The following CUL2 variants were observed in gnomAD, a reference collection of about 807,000 sequenced individuals.
The protein encoded by CUL2 is cullin 2.
In CUL2, 22 loss-of-function variants were observed where a neutral mutation model predicts 110.2. The ratio of observed to expected loss-of-function variants is 0.20; its 90% confidence interval spans 0.14 to 0.28. The LOEUF (loss-of-function observed/expected upper bound fraction) is 0.28, where lower values mean the gene tolerates loss of function less well. Ranked by LOEUF, CUL2 falls within the 10% of genes least tolerant of loss-of-function variation. The probability of loss-of-function intolerance (pLI) is 1.00; values close to 1 mark genes in which losing one functional copy is unlikely to be tolerated. For missense variants in CUL2, 631 were observed against 905.5 expected, an observed-to-expected ratio of 0.70 and a Z score of 3.89; for synonymous variants, 279 against 293.2, an observed-to-expected ratio of 0.95 and a Z score of 0.49.
At chr10:35,039,779 C>T (rs771435956) in intron 8 of CUL2, among the ~76,000 whole-genome samples, 31 of 152,120 alleles carry the variant, frequency 2.0e-4, no homozygotes, top group Non-Finnish European at 2.6e-4. Context: ...CACTTCATCC[C>T]GGGAGGTGGG....
chr10:35,028,750 T>C, intron 16 of CUL2, 60 bp downstream of exon 16: 3 of 1,106,138 alleles, frequency 2.7e-6, no homozygotes, highest in East Asian at 2.5e-5. Flanking sequence ...AAAGGTGATA[T>C]AATATGAAGA....
At chr10:35,082,946 T>C (rs2086977028) in intron 1 of CUL2, among the ~76,000 whole-genome samples, 1 of 151,838 alleles carries the variant, frequency 6.6e-6, no homozygotes, top group Non-Finnish European at 1.5e-5. Context: ...TCACTTGAGG[T>C]CAGGAGTTTG....
At chr10:35,036,946 G>A (rs1159986653) in intron 9 of CUL2, among the ~76,000 whole-genome samples, 1 of 152,104 alleles carries the variant, frequency 6.6e-6, no homozygotes, top group Non-Finnish European at 1.5e-5. Flanking sequence ...TGTTGCCCAG[G>A]CTGGTCTTGT....
intron 16 of CUL2, among the ~76,000 whole-genome samples, chr10:35,027,305 C>T (rs1006471539): frequency 6.6e-6 from 1 of 151,902 alleles, no homozygotes; most frequent in Non-Finnish European, 1.5e-5. Flanking sequence ...CCACCATGCC[C>T]GGCTAATTTT....
At chr10:35,021,796 T>C (rs1239585810) in intron 17 of CUL2, among the ~76,000 whole-genome samples, 1 of 130,110 alleles carries the variant, frequency 7.7e-6, no homozygotes, top group Non-Finnish European at 1.6e-5. Flanking sequence ...TTACGTGAGG[T>C]GGGGTGAGGA....
At chr10:35,038,822 G>T in intron 9 of CUL2, 98 bp downstream of exon 9, 2 of 661,470 alleles carry the variant, frequency 3.0e-6, no homozygotes, top group Non-Finnish European at 4.8e-6. Flanking sequence ...ATATTTTAAA[G>T]ACTATTACTA....
At chr10:35,057,809 A>AT (rs2086279365) in intron 4 of CUL2, among the ~76,000 whole-genome samples, 1 of 128,116 alleles carries the variant, frequency 7.8e-6, no homozygotes, top group African/African-American at 3.1e-5. Context: ...TAATAAAGAC[A>AT]TGGGCTGGAC....
rs1308741069 is a variant in CUL2, at chr10:35,008,901, TTG to T, written c.*1408_*1409del. The T allele has an allele frequency of 2.0e-5, 3 of 151,948 alleles. No individual in the cohort carries two copies. The highest frequency in any genetic ancestry group is 4.4e-5 in the Non-Finnish European group (3 of 68,006). The allele number at this position is 151,948 out of a possible 1,614,324, so 9.4% of individuals were successfully genotyped here. ...ACTGAAGTATTATAAGTGAAATAAT[TTG>T]TGTGATTTGCTTTAAAATATTCCGA... is the stretch of plus-strand genomic sequence containing the variant. On this transcript the variant is annotated 3_prime_UTR_variant, in exon 21 of 21. Transcript: ENST00000374749.
intron 1 of CUL2, among the ~76,000 whole-genome samples, chr10:35,077,817 CAA>C (rs200796040): frequency 5.6e-5 from 6 of 107,116 alleles, no homozygotes; most frequent in South Asian, 5.7e-4. Flanking sequence ...AACTCCGTCT[CAA>C]AAAAAAAAAA....
chr10:35,101,680 G>GT (rs2087379881), intron 1 of CUL2, among the ~76,000 whole-genome samples: 1 of 152,158 alleles, frequency 6.6e-6, no homozygotes, highest in South Asian at 2.1e-4. Context: ...ATCAACTCTT[G>GT]TAACTCTTCA....
At chr10:35,010,716 T>C (rs1800754113) in intron 20 of CUL2, among the ~76,000 whole-genome samples, 1 of 152,214 alleles carries the variant, frequency 6.6e-6, no homozygotes, top group Admixed American at 6.5e-5. Context: ...GTTCAAACAC[T>C]TTCTCAAGAA....
rs142689942 is a variant in CUL2 at position 35,042,095 on chromosome 10, C to G, written c.714+2471G>C. ...TAACGCTCACTATGTTGTGTAATCA[C>G]CCCCATTGTCTACTTCCAAATATTT... On this transcript the variant is annotated intron_variant, in intron 8 of 20. Transcript: ENST00000374749. Among the ~76,000 whole-genome samples the G allele has an allele frequency of 2.8e-3, 424 of 152,200 alleles. 1 individual carries two copies. Among genetic ancestry groups the G allele is most frequent in the African/African-American group, 9.8e-3 (405 of 41,536 alleles).
At chr10:35,074,335 T>TA in intron 1 of CUL2, 1 of 740,900 alleles carries the variant, frequency 1.3e-6, no homozygotes. Flanking sequence ...TGTGACATCA[T>TA]AATCTAGGAA....
intron 5 of CUL2, among the ~76,000 whole-genome samples, chr10:35,050,061 G>A (rs781350644): frequency 6.6e-5 from 10 of 152,078 alleles, no homozygotes; most frequent in Non-Finnish European, 1.0e-4. Context: ...AGTGGGTAAC[G>A]TCTGTAATCC....
At chr10:35,044,256 G>A (rs1235052202) in intron 8 of CUL2, among the ~76,000 whole-genome samples, 2 of 151,878 alleles carry the variant, frequency 1.3e-5, no homozygotes, top group Non-Finnish European at 2.9e-5. Context: ...CACTAAGCAT[G>A]AAATCCAGTA....
At chr10:35,027,521 A>G (rs2085367205) in intron 16 of CUL2, among the ~76,000 whole-genome samples, 1 of 152,224 alleles carries the variant, frequency 6.6e-6, no homozygotes, top group African/African-American at 2.4e-5. Context: ...TGACTGGCCT[A>G]AAGTATAAAA....
chr10:35,101,628 C>T (rs1433686863), intron 1 of CUL2, among the ~76,000 whole-genome samples: 1 of 152,170 alleles, frequency 6.6e-6, no homozygotes, highest in Non-Finnish European at 1.5e-5. Flanking sequence ...TAGGTCCTCT[C>T]ACAGCTCAGT....
At chr10:35,070,833 C>T (rs1023967397) in intron 2 of CUL2, among the ~76,000 whole-genome samples, 2 of 152,184 alleles carry the variant, frequency 1.3e-5, no homozygotes, top group African/African-American at 4.8e-5. Context: ...GCCTCCCCCA[C>T]GTCCTTATCC....
intron 1 of CUL2, among the ~76,000 whole-genome samples, chr10:35,083,028 G>A (rs1403699468): frequency 1.3e-5 from 2 of 151,746 alleles, no homozygotes; most frequent in Non-Finnish European, 2.9e-5. Context: ...GTGGTGGCAG[G>A]TGCCTGTAAT....
Sources: allele counts gnomAD v4.1 joint callset (sites outside exome capture counted in the v4.1 genomes callset), GRCh38; gene constraint gnomAD v4.1.1; transcripts MANE v1.5; gene names NCBI Gene and HGNC (gene_info 2026-07-23, HGNC 2026-07-21).